Variants in NFATC2 observed in about 807,000 individuals in gnomAD.
NFATC2 encodes the protein nuclear factor of activated T-cells, cytoplasmic 2.
NFATC2 carries 22 observed loss-of-function variants against 87.3 expected under a neutral mutation model. The ratio of observed to expected loss-of-function variants is 0.25; its 90% CI spans 0.18 to 0.36. The LOEUF is 0.36. NFATC2 is among the 10% of genes least tolerant of loss of function. NFATC2 has a pLI of 1.00. For missense variants in NFATC2, 1,149 were observed against 1,259.1 expected, an observed-to-expected ratio of 0.91 and a Z score of 1.32; for synonymous variants, 565 against 542.2, an observed-to-expected ratio of 1.04 and a Z score of -0.58.
At chr20:51,517,641 G>A (rs965163117) in intron 2 of NFATC2, among the ~76,000 whole-genome samples, 1 of 151,916 alleles carries the variant, frequency 6.6e-6, no homozygotes, top group African/African-American at 2.4e-5. Context: ...ACAAGGCTGG[G>A]TGCAGTGGCT....
At chr20:51,431,832 G>T (rs1413957761) in intron 9 of NFATC2, among the ~76,000 whole-genome samples, 2 of 152,090 alleles carry the variant, frequency 1.3e-5, no homozygotes, top group African/African-American at 4.8e-5. Context: ...GGCGATTCTG[G>T]AGGGGGGCAT....
At chr20:51,498,384 A>C (rs6021254) in intron 3 of NFATC2, among the ~76,000 whole-genome samples, 5,355 of 152,292 alleles carry the variant, frequency 0.035, 303 homozygotes, top group African/African-American at 0.12. Flanking sequence ...CTGGGGATGA[A>C]GCAACGATGA....
rs777667094 is a variant in NFATC2 at position 51,391,470 on chromosome 20, G to C, written c.*45-19C>G. ...TCATTAACTACAAAAGAAAAGAGGA[G>C]GGGGGGGGAGAGAGAATGGGGCAAG... is the stretch of plus-strand genomic sequence containing the variant. On this transcript the variant is annotated intron_variant, in intron 10 of 10. Coordinates refer to ENST00000371564, the MANE Select transcript of NFATC2 (RefSeq NM_012340.5). 2.9e-6 allele frequency: 4 copies of C among 1,362,246 alleles called. No individual in the cohort carries two copies. The highest frequency in any genetic ancestry group is 5.2e-5 in the East Asian group (2 of 38,330). The allele number at this position is 1,362,246 out of a possible 1,614,324, so 84.4% of individuals were successfully genotyped here. A position where few individuals can be genotyped will look rare whatever the true frequency, so the allele number is the denominator to read the frequency against.
intron 6 of NFATC2, 40 bp downstream of exon 6, chr20:51,454,508 G>A: frequency 6.2e-7 from 1 of 1,608,266 alleles, no homozygotes; most frequent in Non-Finnish European, 8.5e-7. Flanking sequence ...ACTTTTGCAT[G>A]ATTCTGGGGG....
intron 6 of NFATC2, among the ~76,000 whole-genome samples, chr20:51,443,173 C>G (rs572816253): frequency 6.6e-6 from 1 of 152,148 alleles, no homozygotes; most frequent in East Asian, 1.9e-4. Flanking sequence ...GGAGACCCCC[C>G]CTTCATCCTA....
intron 2 of NFATC2, among the ~76,000 whole-genome samples, chr20:51,517,631 A>C (rs568597888): frequency 7.3e-5 from 11 of 151,704 alleles, no homozygotes; most frequent in African/African-American, 2.4e-4. Flanking sequence ...AAAAAACAAC[A>C]CAAGGCTGGG....
intron 9 of NFATC2, among the ~76,000 whole-genome samples, chr20:51,417,387 G>A (rs187303929): frequency 3.9e-5 from 6 of 152,018 alleles, no homozygotes; most frequent in Admixed American, 3.3e-4. Flanking sequence ...CCATGACGCC[G>A]CCGTCATTAC....
At chr20:51,526,091 C>T (rs955050602) in intron 1 of NFATC2, among the ~76,000 whole-genome samples, 1 of 152,042 alleles carries the variant, frequency 6.6e-6, no homozygotes, top group Non-Finnish European at 1.5e-5. Flanking sequence ...TCTGCTCAGC[C>T]CGCACCTCCT....
intron 6 of NFATC2, among the ~76,000 whole-genome samples, chr20:51,436,174 C>G (rs542689733): frequency 6.6e-6 from 1 of 152,276 alleles, no homozygotes; most frequent in South Asian, 2.1e-4. Flanking sequence ...CAGGCTCATT[C>G]ATACCCGAAC....
At chr20:51,472,816 G>T (rs1265591556) in intron 5 of NFATC2, among the ~76,000 whole-genome samples, 1 of 151,882 alleles carries the variant, frequency 6.6e-6, no homozygotes, top group East Asian at 1.9e-4. Context: ...TGTATTTTTA[G>T]TAGAGATGGG....
At chr20:51,509,732 G>C (rs1472605858) in intron 3 of NFATC2, among the ~76,000 whole-genome samples, 1 of 152,210 alleles carries the variant, frequency 6.6e-6, no homozygotes, top group Non-Finnish European at 1.5e-5. Context: ...ATCCCATCTG[G>C]CTTGCTTCTT....
rs185545933 is a variant in NFATC2 at position 51,418,731 on chromosome 20, C to T, written c.2722+13336G>A. ...AGGCTGGAGTGCAGTGGTACGATTG[C>T]GTCTCACTGCAACCTCTGCCTCCCA... On this transcript the variant is annotated intron_variant, in intron 9 of 10. Transcript: ENST00000371564. Among the ~76,000 whole-genome samples, 755 of 143,488 alleles carry T rather than the reference C, an allele frequency of 5.3e-3. 7 individuals are homozygous for T. Among genetic ancestry groups the T allele is most frequent in the African/African-American group, 0.019 (709 of 38,020 alleles). 94.1% of individuals were successfully genotyped at this position (143,488 alleles called of 152,430 possible). A position where few individuals can be genotyped will look rare whatever the true frequency, so the allele number is the denominator to read the frequency against.
intron 3 of NFATC2, among the ~76,000 whole-genome samples, chr20:51,495,877 G>A (rs1282824436): frequency 6.6e-6 from 1 of 152,198 alleles, no homozygotes; most frequent in Non-Finnish European, 1.5e-5. Context: ...GTGGATCAGA[G>A]CGGACTCCCA....
At chr20:51,543,736 A>G (rs905881582), upstream of NFATC2, among the ~76,000 whole-genome samples, 6 of 152,204 alleles carry the variant, frequency 3.9e-5, no homozygotes, top group African/African-American at 1.4e-4. Flanking sequence ...CAACGTGAGC[A>G]TTAATGAACA....
At chr20:51,417,075 TCA>T (rs924654988) in intron 9 of NFATC2, among the ~76,000 whole-genome samples, 100 of 152,278 alleles carry the variant, frequency 6.6e-4, no homozygotes, top group African/African-American at 2.4e-3. Context: ...GAATCACTTC[TCA>T]CACACGTGCC....
In NFATC2 at chr20:51,523,992, G is replaced by T; in HGVS notation, c.249C>A (p.Pro83=). 6.4e-7 allele frequency: 1 copy of T among 1,569,844 alleles called. No individual in the cohort carries two copies. Among genetic ancestry groups the T allele is most frequent in the Non-Finnish European group, 8.6e-7 (1 of 1,163,522 alleles). ...CCCTATCCGGCTCTCCGAATCGGCC[G>T]GGGGGCTCGCCAGAGAGACTAGCAA... ...SPLASLSGEP[P]GRFGEPDRVG... is the part of the protein sequence containing the mutation. The change falls in exon 2 of 11, where the codon CCC becomes CCA. Residue 83 remains proline (P), a synonymous_variant. Coordinates refer to ENST00000371564, the MANE Select transcript of NFATC2 (RefSeq NM_012340.5). This position sits in a 1 kb window ranked among gnomAD's most constrained non-coding sequence, Gnocchi z 6.9.
chr20:51,422,325 C>G (rs140783335), intron 9 of NFATC2, among the ~76,000 whole-genome samples: 252 of 152,264 alleles, frequency 1.7e-3, no homozygotes, highest in African/African-American at 5.8e-3. Context: ...AACCTGAGAG[C>G]AGCAGAATTT....
At chr20:51,451,500 C>A (rs539094448) in intron 6 of NFATC2, among the ~76,000 whole-genome samples, 1 of 152,198 alleles carries the variant, frequency 6.6e-6, no homozygotes, top group African/African-American at 2.4e-5. Context: ...CCCAGGACAG[C>A]GCCCCTGCCA....
intron 10 of NFATC2, 96 bp downstream of exon 10, chr20:51,398,539 TTCAGCCTG>T (rs1424507385): frequency 4.2e-6 from 3 of 717,804 alleles, no homozygotes; most frequent in Non-Finnish European, 6.7e-6. Context: ...AGAGAGGGCC[TTCAGCCTG>T]TCAAGTTTTC....
Sources: allele counts gnomAD v4.1 joint callset (sites outside exome capture counted in the v4.1 genomes callset), GRCh38; gene constraint gnomAD v4.1.1; non-coding constraint Gnocchi (gnomAD v3.1); transcripts MANE v1.5; gene names NCBI Gene and HGNC (gene_info 2026-07-23, HGNC 2026-07-21).